The following IL6ST variants were observed in gnomAD, a reference collection of about 807,000 sequenced individuals.
IL6ST encodes the protein interleukin-6 receptor subunit beta.
A neutral mutation model predicts 91.3 loss-of-function variants in IL6ST; 24 were observed. The ratio of observed to expected loss-of-function variants is 0.26; its 90% CI spans 0.19 to 0.37. The LOEUF (loss-of-function observed/expected upper bound fraction) is 0.37. Among genes scored for constraint, IL6ST ranks in the 10% least tolerant of loss-of-function variants. The pLI is 1.00. For synonymous variants in IL6ST, 351 were observed against 373.6 expected, an observed-to-expected ratio of 0.94 and a Z score of 0.70; for missense variants, 914 against 1,078.5, an observed-to-expected ratio of 0.85 and a Z score of 2.14.
rs573084999 is a variant in IL6ST at position 55,955,028 on chromosome 5, A to G, written c.1268-36T>C. On this transcript the variant is annotated intron_variant, in intron 10 of 16. Coordinates refer to ENST00000381298, the MANE Select transcript of IL6ST (RefSeq NM_002184.4). ...AAGTTTGAATATTGAAATAATAAATATTAACAAATTTGAAATTTCCATATT... is the reference window on the plus strand; with the variant it reads ...AAGTTTGAATATTGAAATAATAAATGTTAACAAATTTGAAATTTCCATATT... The G allele has an allele frequency of 2.9e-6, 4 of 1,367,170 alleles. No individual in the cohort carries two copies. The South Asian group carries it at 4.0e-5, about 14-fold the overall frequency. 84.7% of individuals were successfully genotyped at this position (1,367,170 alleles called of 1,614,324 possible). A position where few individuals can be genotyped will look rare whatever the true frequency, so the allele number is the denominator to read the frequency against.
chr5:55,945,648 CTT>C (rs70995749), intron 15 of IL6ST, among the ~76,000 whole-genome samples: 1,634 of 41,476 alleles, frequency 0.039, 65 homozygotes, highest in African/African-American at 0.16. Context: ...AAAACTTATG[CTT>C]TTTTTTTTTT....
intron 13 of IL6ST, 69 bp from the exon 14 acceptor site, chr5:55,951,673 A>G (rs1393614355): frequency 7.0e-7 from 1 of 1,435,984 alleles, no homozygotes; most frequent in East Asian, 2.3e-5. Flanking sequence ...TATATTTGGC[A>G]TTGTGAAAGT....
chr5:55,957,423 A>G, intron 8 of IL6ST, 132 bp from the exon 9 acceptor site: 1 of 480,688 alleles, frequency 2.1e-6, no homozygotes. Flanking sequence ...TCTTTATACC[A>G]GCATTTTCCC....
chr5:55,945,310 T>G (rs1394719691), intron 15 of IL6ST, among the ~76,000 whole-genome samples: 2 of 152,108 alleles, frequency 1.3e-5, no homozygotes, highest in Non-Finnish European at 2.9e-5. Flanking sequence ...ATATATACAT[T>G]TATGAAACAG....
intron 14 of IL6ST, among the ~76,000 whole-genome samples, chr5:55,947,811 C>A (rs1751367880): frequency 6.6e-6 from 1 of 152,050 alleles, no homozygotes; most frequent in Non-Finnish European, 1.5e-5. Context: ...ATTAACCTGG[C>A]CGCATAGCAT....
At chr5:55,973,717 G>A (rs1331969237) in intron 3 of IL6ST, among the ~76,000 whole-genome samples, 1 of 152,112 alleles carries the variant, frequency 6.6e-6, no homozygotes, top group Admixed American at 6.6e-5. Context: ...AATCATGAGA[G>A]GTATTATTAT....
intron 4 of IL6ST, among the ~76,000 whole-genome samples, chr5:55,968,599 A>C (rs1561185958): frequency 6.6e-6 from 1 of 152,222 alleles, no homozygotes; most frequent in Non-Finnish European, 1.5e-5. Flanking sequence ...ATATATATAC[A>C]TCCATCCTAA....
In IL6ST at chr5:55,946,196, C is replaced by A. The variant is rs141200929; in HGVS notation, c.1937+1297G>T. Reference sequence around the variant, plus strand: ...AATTAAAACGATATAGTACTACACACCCACTAGAATGAAAGAAGTCTGACA... The same window carrying A: ...AATTAAAACGATATAGTACTACACAACCACTAGAATGAAAGAAGTCTGACA... On this transcript the variant is annotated intron_variant, in intron 15 of 16. Transcript: ENST00000381298. Among the ~76,000 whole-genome samples the A allele has an allele frequency of 9.1e-3, 1,378 of 152,234 alleles. 25 individuals are homozygous for A. Among genetic ancestry groups the A allele is most frequent in the African/African-American group, 0.032 (1,327 of 41,544 alleles).
intron 1 of IL6ST, among the ~76,000 whole-genome samples, chr5:55,985,667 T>C (rs1208245637): frequency 2.6e-5 from 4 of 152,256 alleles, no homozygotes; most frequent in Non-Finnish European, 4.4e-5. Flanking sequence ...ATTTTGTATA[T>C]ACGGATAATT....
chr5:55,989,542 C>G (rs1391741039), intron 1 of IL6ST, among the ~76,000 whole-genome samples: 1 of 152,194 alleles, frequency 6.6e-6, no homozygotes, highest in African/African-American at 2.4e-5. Context: ...TAAAATTAGA[C>G]TATTTTAGCC....
chr5:55,952,422 T>G, intron 11 of IL6ST, 71 bp from the exon 12 acceptor site: 2 of 822,168 alleles, frequency 2.4e-6, no homozygotes, highest in Non-Finnish European at 2.0e-6. Context: ...GTAATTTATT[T>G]TTACATTATA....
chr5:55,941,298 T>C lies in IL6ST; in HGVS notation c.2541A>G (p.Arg847=), dbSNP rs1580779020. The C allele has an allele frequency of 6.2e-7, 1 of 1,614,034 alleles. No individual in the cohort carries two copies. Among genetic ancestry groups the C allele is most frequent in the East Asian group, 2.2e-5 (1 of 44,890 alleles). ...TATGATCTGAAATCTGCTGTTTAAG[T>C]CTAACAAAATCTTCCTCATTGACTG... ...VSSVNEEDFV[R]LKQQISDHIS... Residue 847 remains arginine, a synonymous_variant, in exon 17 of 17, where the codon AGA becomes AGG. Coordinates refer to ENST00000381298, the MANE Select transcript of IL6ST (RefSeq NM_002184.4).
chr5:55,959,240 C>G (rs759400092), intron 8 of IL6ST, among the ~76,000 whole-genome samples: 3 of 152,184 alleles, frequency 2.0e-5, no homozygotes, highest in Non-Finnish European at 4.4e-5. Flanking sequence ...ACAAAGCAAT[C>G]TGGCTGAGGA....
rs1750845043 is a variant in IL6ST at position 55,940,619 on chromosome 5, G to GTTA, written c.*460_*462dup. ...TTATGGCCTATGGACCTCTTTTTAA[G>GTTA]TTATTTTAGCAGAAGTAGATGATGG... On this transcript the variant is annotated 3_prime_UTR_variant, in exon 17 of 17. Coordinates refer to ENST00000381298, the MANE Select transcript of IL6ST (RefSeq NM_002184.4). 1 of 216,874 alleles carries GTTA rather than the reference G, an allele frequency of 4.6e-6. No homozygotes were observed. The highest frequency in any genetic ancestry group is 2.3e-5 in the African/African-American group (1 of 44,254). 13.4% of individuals were successfully genotyped at this position (216,874 alleles called of 1,614,324 possible).
chr5:55,978,052 T>C (rs1027471739), intron 2 of IL6ST, among the ~76,000 whole-genome samples: 4 of 152,106 alleles, frequency 2.6e-5, no homozygotes, highest in African/African-American at 9.7e-5. Flanking sequence ...TGTCAACTGT[T>C]TCAAAGGCAC....
chr5:55,977,107 G>C (rs1267771845), intron 2 of IL6ST, among the ~76,000 whole-genome samples: 1 of 151,924 alleles, frequency 6.6e-6, no homozygotes. Context: ...AACAATGGTA[G>C]AGACATATAA....
At chr5:55,963,797 A>G (rs964815831) in intron 6 of IL6ST, among the ~76,000 whole-genome samples, 4 of 152,196 alleles carry the variant, frequency 2.6e-5, no homozygotes, top group Non-Finnish European at 5.9e-5. Flanking sequence ...AAAATGGAAC[A>G]TACATACTGT....
intron 9 of IL6ST, among the ~76,000 whole-genome samples, chr5:55,956,878 G>C (rs1475471627): frequency 6.6e-6 from 1 of 152,004 alleles, no homozygotes. Flanking sequence ...TATTTATAAG[G>C]GCTGGGCGCG....
intron 3 of IL6ST, among the ~76,000 whole-genome samples, chr5:55,971,716 G>C (rs1158437456): frequency 6.6e-6 from 1 of 152,122 alleles, no homozygotes; most frequent in Non-Finnish European, 1.5e-5. Context: ...CAGCTACTTG[G>C]GGGTGAGGGT....
Sources: gnomAD v4.1 joint callset for allele counts (sites outside exome capture counted in the v4.1 genomes callset) on GRCh38, gnomAD v4.1.1 for gene constraint, MANE v1.5 for transcripts, NCBI Gene and HGNC (gene_info 2026-07-23, HGNC 2026-07-21) for gene names.